The following OPRM1 variants were observed in gnomAD, a reference collection of about 807,000 sequenced individuals.
The protein encoded by OPRM1 is mu-type opioid receptor.
OPRM1 carries 27 observed loss-of-function variants against 31.8 expected under a neutral mutation model. The ratio of observed to expected loss-of-function variants is 0.85; its 90% confidence interval spans 0.63 to 1.17. OPRM1 has a LOEUF of 1.17. Ranked by LOEUF, OPRM1 falls within the 50% of genes most tolerant of loss-of-function variation. OPRM1 has a pLI of 0.00. For missense variants in OPRM1, 536 were observed against 511.1 expected, an observed-to-expected ratio of 1.05 and a Z score of -0.47; for synonymous variants, 196 against 189.9, an observed-to-expected ratio of 1.03 and a Z score of -0.26.
intron 1 of OPRM1, among the ~76,000 whole-genome samples, chr6:154,029,757 C>T (rs1016255434): frequency 2.6e-5 from 4 of 152,182 alleles, no homozygotes; most frequent in African/African-American, 9.7e-5. Flanking sequence ...GGGCAGTTAC[C>T]TCCATGCTGT....
chr6:154,221,869 G>A lies in OPRM1; in HGVS notation c.1165-24824G>A, dbSNP rs558923737. Among the ~76,000 whole-genome samples the A allele has an allele frequency of 5.3e-5, 8 of 152,172 alleles. No homozygotes were observed. The East Asian group carries it at 1.2e-3, about 22-fold the overall frequency. ...AGTCTGGGTGACAGAGGAAGACTCCGTCTCAAAAAACAAATAAATAAATAA... is the reference window on the plus strand; with the variant it reads ...AGTCTGGGTGACAGAGGAAGACTCCATCTCAAAAAACAAATAAATAAATAA... On this transcript the variant is annotated intron_variant, in intron 3 of 3. Transcript: ENST00000337049.
chr6:154,112,028 G>A (rs895270751), intron 3 of OPRM1, among the ~76,000 whole-genome samples: 1 of 152,190 alleles, frequency 6.6e-6, no homozygotes, highest in African/African-American at 2.4e-5. Flanking sequence ...GCCTCCCAAA[G>A]TGCTGGCATT....
rs561606660 is a variant in OPRM1, at chr6:154,228,361, G to C, written c.1165-18332G>C. Among the ~76,000 whole-genome samples the C allele has an allele frequency of 3.3e-5, 5 of 151,606 alleles. No individual in the cohort carries two copies. In the East Asian group the frequency reaches 9.7e-4, roughly 29 times the overall value. ...ATGCTGGTACCTGCAAGCTTCCCTCGAAATCCTGATGTAATAAAAAACTTG... is the reference window on the plus strand; with the variant it reads ...ATGCTGGTACCTGCAAGCTTCCCTCCAAATCCTGATGTAATAAAAAACTTG... On this transcript the variant is annotated intron_variant, in intron 3 of 3. Coordinates refer to the OPRM1 transcript ENST00000337049.
chr6:154,188,984 T>C (rs1801625361), intron 3 of OPRM1, among the ~76,000 whole-genome samples: 1 of 152,182 alleles, frequency 6.6e-6, no homozygotes, highest in Non-Finnish European at 1.5e-5. Flanking sequence ...TTTTAATCAC[T>C]TTAAAACTGA....
chr6:154,224,333 C>T (rs958273459), intron 3 of OPRM1, among the ~76,000 whole-genome samples: 2 of 152,196 alleles, frequency 1.3e-5, no homozygotes, highest in African/African-American at 4.8e-5. Context: ...TGTGAGGCAT[C>T]CAACCCTATG....
intron 3 of OPRM1, among the ~76,000 whole-genome samples, chr6:154,106,690 G>T (rs1393568251): frequency 1.3e-5 from 2 of 152,020 alleles, no homozygotes; most frequent in African/African-American, 4.8e-5. Flanking sequence ...TACCATACAG[G>T]ATCCTTTTTT....
intron 1 of OPRM1, among the ~76,000 whole-genome samples, chr6:154,058,616 G>A (rs558971856): frequency 6.6e-5 from 10 of 152,158 alleles, no homozygotes; most frequent in South Asian, 2.1e-4. Flanking sequence ...AAACATGAAC[G>A]TAGTAGAATA....
chr6:154,136,086 C>T (rs576920673), downstream of OPRM1, among the ~76,000 whole-genome samples: 3 of 152,290 alleles, frequency 2.0e-5, no homozygotes, highest in East Asian at 5.8e-4. Flanking sequence ...TCCAGGAAGG[C>T]TGAGACATCA....
intron 3 of OPRM1, among the ~76,000 whole-genome samples, chr6:154,201,955 A>G (rs1004360198): frequency 6.6e-6 from 1 of 152,338 alleles, no homozygotes; most frequent in African/African-American, 2.4e-5. Context: ...AGAGAGAGGA[A>G]GCCAAAGAGC....
chr6:154,014,254 G>T (rs1201119007), intron 1 of OPRM1, among the ~76,000 whole-genome samples: 1 of 152,174 alleles, frequency 6.6e-6, no homozygotes, highest in Admixed American at 6.6e-5. Context: ...TGGTGGAGGA[G>T]TGAGGTGGGA....
chr6:154,107,191 A>C (rs887349744), intron 3 of OPRM1, among the ~76,000 whole-genome samples: 1 of 152,206 alleles, frequency 6.6e-6, no homozygotes, highest in Non-Finnish European at 1.5e-5. Flanking sequence ...GGGGACAGGA[A>C]AGGGGTCTCT....
At chr6:154,138,550 G>A (rs914345381) in intron 3 of OPRM1, among the ~76,000 whole-genome samples, 40 of 152,264 alleles carry the variant, frequency 2.6e-4, no homozygotes, top group Middle Eastern at 6.8e-3. Flanking sequence ...GGGAAGGAGC[G>A]TGTCAAGATG....
intron 3 of OPRM1, 86 bp downstream of exon 3, chr6:154,091,558 T>C: frequency 1.3e-6 from 2 of 1,484,600 alleles, no homozygotes; most frequent in Non-Finnish European, 1.8e-6. Context: ...TTTAATCCAT[T>C]ATAGAGGATG....
chr6:154,093,260 T>C (rs199844351), intron 3 of OPRM1: 29 of 1,605,494 alleles, frequency 1.8e-5, no homozygotes, highest in Middle Eastern at 1.7e-4. Flanking sequence ...ACTGACTCTT[T>C]CTCCTTTAGT....
chr6:154,035,451 G>A (rs1779248773), upstream of OPRM1, among the ~76,000 whole-genome samples: 2 of 152,048 alleles, frequency 1.3e-5, no homozygotes, highest in African/African-American at 4.8e-5. Context: ...TTAAAAGTTA[G>A]ATAACATAGA....
chr6:154,242,356 TC>T (rs1305173176), intron 3 of OPRM1, among the ~76,000 whole-genome samples: 2 of 152,194 alleles, frequency 1.3e-5, no homozygotes, highest in South Asian at 4.1e-4. Context: ...TCTGTCAAAA[TC>T]AGTCCTTACA....
chr6:154,101,548 TA>T (rs1377861346), intron 3 of OPRM1, among the ~76,000 whole-genome samples: 3 of 152,208 alleles, frequency 2.0e-5, no homozygotes, highest in African/African-American at 4.8e-5. Flanking sequence ...GGCTATAGTA[TA>T]GCAAATATCA....
intron 1 of OPRM1, among the ~76,000 whole-genome samples, chr6:154,034,007 G>T (rs1301350802): frequency 6.6e-6 from 1 of 152,166 alleles, no homozygotes; most frequent in Non-Finnish European, 1.5e-5. Flanking sequence ...ACTCACAGAA[G>T]AAAAACACGA....
intron 3 of OPRM1, among the ~76,000 whole-genome samples, chr6:154,116,532 G>T (rs933589289): frequency 6.0e-5 from 9 of 149,280 alleles, no homozygotes; most frequent in Middle Eastern, 3.5e-3. Flanking sequence ...TTGCAGTCAG[G>T]CAACATCATG....
Sources: allele counts gnomAD v4.1 joint callset (sites outside exome capture counted in the v4.1 genomes callset), GRCh38; gene constraint gnomAD v4.1.1; transcripts MANE v1.5; gene names NCBI Gene and HGNC (gene_info 2026-07-23, HGNC 2026-07-21).